ZNF385D: variants seen among roughly 807,000 people sequenced by gnomAD.
ZNF385D encodes the protein zinc finger protein 385D, also known as zinc finger protein 659.
A neutral mutation model predicts 35.8 loss-of-function variants in ZNF385D; 15 were observed. The observed-to-expected ratio is 0.42, with a 90% CI of 0.28 to 0.64. ZNF385D has a LOEUF of 0.64. ZNF385D is among the 30% of genes least tolerant of loss of function. The pLI, the probability that ZNF385D is intolerant of heterozygous loss-of-function variation, is 0.23. For missense variants in ZNF385D, 474 were observed against 494.6 expected, an observed-to-expected ratio of 0.96 and a Z score of 0.39; for synonymous variants, 212 against 186.8, an observed-to-expected ratio of 1.13 and a Z score of -1.10.
intron 1 of ZNF385D, among the ~76,000 whole-genome samples, chr3:21,672,255 T>C (rs2066598000): frequency 1.3e-5 from 2 of 150,910 alleles, no homozygotes; most frequent in South Asian, 4.1e-4. Context: ...TTTCTTTTTT[T>C]CTTTTCTTTT....
At chr3:21,791,856 T>C (rs1422014784) in intron 3 of ZNF385D, among the ~76,000 whole-genome samples, 2 of 152,150 alleles carry the variant, frequency 1.3e-5, no homozygotes, top group African/African-American at 2.4e-5. Context: ...TGCCTCAGCC[T>C]CCCGAGTAGC....
At chr3:21,804,395 A>G (rs2072541639) in intron 3 of ZNF385D, among the ~76,000 whole-genome samples, 2 of 152,190 alleles carry the variant, frequency 1.3e-5, no homozygotes, top group Admixed American at 1.3e-4. Flanking sequence ...AGTGGACAGT[A>G]ACGTTTTCAA....
At chr3:21,680,443 C>T (rs923218859) in intron 1 of ZNF385D, among the ~76,000 whole-genome samples, 1 of 152,042 alleles carries the variant, frequency 6.6e-6, no homozygotes, top group Non-Finnish European at 1.5e-5. Flanking sequence ...AAAACAAGTG[C>T]AATTTTCTAA....
chr3:22,047,098 TTC>T (rs1246390514), intron 3 of ZNF385D, among the ~76,000 whole-genome samples: 6 of 152,154 alleles, frequency 3.9e-5, no homozygotes, highest in African/African-American at 1.4e-4. Flanking sequence ...CGATGAAGGC[TTC>T]TGACATTCTT....
chr3:22,032,763 A>C (rs1698079861), intron 3 of ZNF385D, among the ~76,000 whole-genome samples: 1 of 152,152 alleles, frequency 6.6e-6, no homozygotes, highest in South Asian at 2.1e-4. Context: ...ACGATTAATA[A>C]TACTAATGCT....
chr3:22,207,543 G>A (rs1576496502), intron 2 of ZNF385D, among the ~76,000 whole-genome samples: 1 of 151,888 alleles, frequency 6.6e-6, no homozygotes, highest in Non-Finnish European at 1.5e-5. Context: ...AAGATTTCTT[G>A]AATAGTACAC....
chr3:21,434,372 A>G (rs1255857159), intron 5 of ZNF385D, among the ~76,000 whole-genome samples: 1 of 152,172 alleles, frequency 6.6e-6, no homozygotes, highest in Admixed American at 6.5e-5. Flanking sequence ...CAATGATCAT[A>G]TGATGAATCC....
chr3:21,799,609 A>T (rs1430500783), intron 3 of ZNF385D, among the ~76,000 whole-genome samples: 1 of 151,944 alleles, frequency 6.6e-6, no homozygotes, highest in African/African-American at 2.4e-5. Flanking sequence ...TTTATTTTTC[A>T]ATTGGATTGT....
intron 1 of ZNF385D, among the ~76,000 whole-genome samples, chr3:21,667,966 C>T (rs908536444): frequency 6.6e-5 from 10 of 151,958 alleles, no homozygotes; most frequent in Non-Finnish European, 1.0e-4. Context: ...TTAGAAAGTT[C>T]GAAAAAATAT....
At chr3:21,587,989 C>CCAT (rs1456611581) in intron 2 of ZNF385D, among the ~76,000 whole-genome samples, 1 of 151,996 alleles carries the variant, frequency 6.6e-6, no homozygotes, top group African/African-American at 2.4e-5. Context: ...ATTTTAGTGC[C>CCAT]CATCAGTTTA....
chr3:21,936,466 T>C (rs1429380552), intron 3 of ZNF385D, among the ~76,000 whole-genome samples: 1 of 152,102 alleles, frequency 6.6e-6, no homozygotes, highest in Non-Finnish European at 1.5e-5. Context: ...TCCCTTACTG[T>C]TACTAGCCCT....
At chr3:22,083,319 G>T (rs1040035164) in intron 3 of ZNF385D, among the ~76,000 whole-genome samples, 1 of 152,166 alleles carries the variant, frequency 6.6e-6, no homozygotes, top group Admixed American at 6.5e-5. Context: ...CCATCGCAAG[G>T]AAGGTAAAAA....
chr3:22,203,970 C>A (rs147426203), intron 2 of ZNF385D, among the ~76,000 whole-genome samples: 11 of 152,050 alleles, frequency 7.2e-5, no homozygotes, highest in Non-Finnish European at 1.3e-4. Flanking sequence ...GATTATGGAG[C>A]CTTAGGGCTC....
intron 3 of ZNF385D, among the ~76,000 whole-genome samples, chr3:22,149,222 A>G (rs1332927049): frequency 6.6e-6 from 1 of 152,158 alleles, no homozygotes; most frequent in Non-Finnish European, 1.5e-5. Context: ...AGAATGTTAC[A>G]TTTCCTAAAA....
intron 2 of ZNF385D, among the ~76,000 whole-genome samples, chr3:22,333,842 G>A (rs1032506500): frequency 6.6e-6 from 1 of 152,154 alleles, no homozygotes; most frequent in African/African-American, 2.4e-5. Context: ...GGATACCAGA[G>A]AGAGAAATAG....
chr3:21,904,998 T>C (rs998533285), intron 3 of ZNF385D, among the ~76,000 whole-genome samples: 2 of 151,878 alleles, frequency 1.3e-5, no homozygotes, highest in Admixed American at 1.3e-4. Flanking sequence ...TAAACTACGA[T>C]TCATCTCATT....
intron 3 of ZNF385D, among the ~76,000 whole-genome samples, chr3:21,803,403 G>A (rs1048541336): frequency 1.3e-5 from 2 of 151,998 alleles, no homozygotes; most frequent in Non-Finnish European, 2.9e-5. Flanking sequence ...TGGACACCAT[G>A]TTTTCTTCTG....
intron 3 of ZNF385D, among the ~76,000 whole-genome samples, chr3:21,852,578 G>A (rs770634864): frequency 6.6e-6 from 1 of 151,884 alleles, no homozygotes; most frequent in Non-Finnish European, 1.5e-5. Flanking sequence ...CTGAAAAAAT[G>A]TTGCTATACC....
intron 3 of ZNF385D, among the ~76,000 whole-genome samples, chr3:21,982,530 C>A (rs902469837): frequency 9.2e-5 from 14 of 152,128 alleles, no homozygotes; most frequent in African/African-American, 1.2e-4. Flanking sequence ...TGTCTGCAAA[C>A]AGAAATAGTT....
Sources: allele counts gnomAD v4.1 joint callset (sites outside exome capture counted in the v4.1 genomes callset), GRCh38; gene constraint gnomAD v4.1.1; transcripts MANE v1.5; gene names NCBI Gene and HGNC (gene_info 2026-07-23, HGNC 2026-07-21).